Variants in RAPGEF6 observed in about 807,000 individuals in gnomAD.
RAPGEF6 encodes the protein Rap guanine nucleotide exchange factor 6.
RAPGEF6 carries 56 observed loss-of-function variants against 171.4 expected under a neutral mutation model. That is an observed-to-expected ratio of 0.33 (90% confidence interval 0.26 to 0.41). RAPGEF6 has a LOEUF of 0.41. Among genes scored for constraint, RAPGEF6 ranks in the 10% least tolerant of loss-of-function variants. The probability of loss-of-function intolerance (pLI) is 1.00; values close to 1 mark genes in which losing one functional copy is unlikely to be tolerated. For synonymous variants in RAPGEF6, 692 were observed against 650.1 expected, an observed-to-expected ratio of 1.06 and a Z score of -0.98; for missense variants, 1,674 against 1,921.4, an observed-to-expected ratio of 0.87 and a Z score of 2.41.
chr5:131,441,138 C>T (rs1752358342), intron 23 of RAPGEF6, among the ~76,000 whole-genome samples: 1 of 152,208 alleles, frequency 6.6e-6, no homozygotes, highest in Admixed American at 6.5e-5. Context: ...TGTCTTCATT[C>T]TCTGCATCTT....
intron 26 of RAPGEF6, 63 bp downstream of exon 26, chr5:131,430,796 T>C (rs971781797): frequency 1.3e-6 from 2 of 1,577,754 alleles, no homozygotes; most frequent in Non-Finnish European, 1.7e-6. Flanking sequence ...GGCCAAGATA[T>C]CCCAATGCCA....
At chr5:131,523,512 G>C (rs1013740523) in intron 6 of RAPGEF6, among the ~76,000 whole-genome samples, 4 of 151,794 alleles carry the variant, frequency 2.6e-5, no homozygotes, top group Non-Finnish European at 5.9e-5. Context: ...AAGCCAACAA[G>C]TGGGCTTAAT....
At chr5:131,461,312 C>T (rs1356561735) in intron 19 of RAPGEF6, among the ~76,000 whole-genome samples, 1 of 151,982 alleles carries the variant, frequency 6.6e-6, no homozygotes, top group Non-Finnish European at 1.5e-5. Context: ...GTACTGATAC[C>T]ATACTGTGAT....
At chr5:131,501,419 T>C (rs532141820) in intron 11 of RAPGEF6, among the ~76,000 whole-genome samples, 11 of 152,082 alleles carry the variant, frequency 7.2e-5, no homozygotes, top group Admixed American at 1.3e-4. Context: ...AATGTGAAGA[T>C]TGTAGTACAG....
intron 25 of RAPGEF6, among the ~76,000 whole-genome samples, chr5:131,432,909 A>C (rs1285528112): frequency 6.6e-6 from 1 of 152,166 alleles, no homozygotes; most frequent in African/African-American, 2.4e-5. Context: ...AGTTAGAATA[A>C]ACTTTCTCAA....
At chr5:131,498,723 G>C (rs956471032) in intron 11 of RAPGEF6, 116 bp from the exon 12 acceptor site, 4 of 968,580 alleles carry the variant, frequency 4.1e-6, no homozygotes, top group Non-Finnish European at 6.2e-6. Flanking sequence ...TCAAAGTACA[G>C]TTTCGCCTTT....
chr5:131,452,770 G>A (rs1016887892), intron 21 of RAPGEF6, among the ~76,000 whole-genome samples: 2 of 151,908 alleles, frequency 1.3e-5, no homozygotes, highest in Non-Finnish European at 2.9e-5. Flanking sequence ...CCGGCCTGCT[G>A]ATGTTTTAAA....
chr5:131,493,728 T>G (rs1756448682), intron 13 of RAPGEF6, among the ~76,000 whole-genome samples: 1 of 152,174 alleles, frequency 6.6e-6, no homozygotes, highest in Non-Finnish European at 1.5e-5. Context: ...GATCCTACAT[T>G]GATGTCTTTG....
intron 19 of RAPGEF6, among the ~76,000 whole-genome samples, chr5:131,456,729 C>A (rs1415374916): frequency 6.6e-6 from 1 of 152,164 alleles, no homozygotes; most frequent in Non-Finnish European, 1.5e-5. Flanking sequence ...GTTTCTCAGC[C>A]ATCTGACTTT....
At chr5:131,517,827 TTTAG>T (rs971433249) in intron 7 of RAPGEF6, among the ~76,000 whole-genome samples, 4 of 147,766 alleles carry the variant, frequency 2.7e-5, no homozygotes, top group Non-Finnish European at 6.0e-5. Flanking sequence ...ACACACAAAA[TTTAG>T]TTAGACATTT....
intron 1 of RAPGEF6, among the ~76,000 whole-genome samples, chr5:131,622,174 T>C (rs1765632205): frequency 6.6e-6 from 1 of 152,096 alleles, no homozygotes; most frequent in South Asian, 2.1e-4. Context: ...GTGACACTCA[T>C]AAACTCTTTC....
intron 4 of RAPGEF6, among the ~76,000 whole-genome samples, chr5:131,567,407 A>T (rs1284915245): frequency 2.0e-5 from 3 of 152,170 alleles, no homozygotes; most frequent in Non-Finnish European, 4.4e-5. Flanking sequence ...TATGATCTAA[A>T]TTTCCCTGAA....
At chr5:131,608,686 T>C (rs1764753948) in intron 1 of RAPGEF6, among the ~76,000 whole-genome samples, 1 of 152,158 alleles carries the variant, frequency 6.6e-6, no homozygotes, top group Non-Finnish European at 1.5e-5. Flanking sequence ...AATAGATCAA[T>C]GCTTGTCTGA....
chr5:131,453,777 G>A (rs1008129603), intron 20 of RAPGEF6, among the ~76,000 whole-genome samples: 25 of 152,150 alleles, frequency 1.6e-4, no homozygotes, highest in Non-Finnish European at 3.1e-4. Context: ...TAAACAGCAC[G>A]TATAGATTGG....
At chr5:131,482,753 T>C (rs1755577748) in intron 15 of RAPGEF6, among the ~76,000 whole-genome samples, 2 of 152,198 alleles carry the variant, frequency 1.3e-5, no homozygotes. Flanking sequence ...GAGGAACTAC[T>C]TAAAACAGTA....
chr5:131,579,996 T>A (rs1430243428), intron 4 of RAPGEF6, among the ~76,000 whole-genome samples: 2 of 152,250 alleles, frequency 1.3e-5, no homozygotes. Flanking sequence ...GCACCAGGGC[T>A]GCGGGCAGAG....
At chr5:131,578,927 T>C (rs1315373462) in intron 4 of RAPGEF6, among the ~76,000 whole-genome samples, 1 of 152,156 alleles carries the variant, frequency 6.6e-6, no homozygotes, top group African/African-American at 2.4e-5. Flanking sequence ...CCAGCCCCAT[T>C]GTGTCCGAAA....
chr5:131,608,052 C>A (rs1266899954), intron 1 of RAPGEF6, among the ~76,000 whole-genome samples: 5 of 152,190 alleles, frequency 3.3e-5, no homozygotes, highest in Non-Finnish European at 1.5e-5. Context: ...TTAGCAACGT[C>A]TGGAGTTATT....
At chr5:131,481,614 C>T (rs1755489974) in intron 15 of RAPGEF6, among the ~76,000 whole-genome samples, 1 of 152,162 alleles carries the variant, frequency 6.6e-6, no homozygotes, top group African/African-American at 2.4e-5. Flanking sequence ...GGGAAATTAC[C>T]TGTTTAGCAA....
Sources: allele counts gnomAD v4.1 joint callset (sites outside exome capture counted in the v4.1 genomes callset), GRCh38; gene constraint gnomAD v4.1.1; transcripts MANE v1.5; gene names NCBI Gene and HGNC (gene_info 2026-07-23, HGNC 2026-07-21).